The following MAP2K6 variants were observed in gnomAD, a reference collection of about 807,000 sequenced individuals.
MAP2K6 encodes the protein dual specificity mitogen-activated protein kinase kinase 6.
In MAP2K6, 16 loss-of-function variants were observed where a neutral mutation model predicts 53.7. The ratio of observed to expected loss-of-function variants is 0.30; its 90% CI spans 0.20 to 0.45. The LOEUF (loss-of-function observed/expected upper bound fraction) is 0.45, where lower values mean the gene tolerates loss of function less well. Ranked by LOEUF, MAP2K6 falls within the 20% of genes least tolerant of loss-of-function variation. The pLI, the probability that MAP2K6 is intolerant of heterozygous loss-of-function variation, is 1.00. For missense variants in MAP2K6, 204 were observed against 411.9 expected (o/e 0.50, Z 4.37); for synonymous variants, 132 against 143.1 (o/e 0.92, Z 0.55).
intron 1 of MAP2K6, among the ~76,000 whole-genome samples, chr17:69,503,719 T>TA (rs952361852): frequency 1.3e-5 from 2 of 151,988 alleles, no homozygotes; most frequent in African/African-American, 2.4e-5. Context: ...TAAATGACTT[T>TA]AAAAAAAATG....
intron 1 of MAP2K6, among the ~76,000 whole-genome samples, chr17:69,422,496 C>A (rs533047161): frequency 2.6e-5 from 4 of 152,286 alleles, no homozygotes; most frequent in Admixed American, 6.5e-5. Flanking sequence ...TGCAGCATCC[C>A]TGTCATCTGT....
intron 1 of MAP2K6, among the ~76,000 whole-genome samples, chr17:69,470,838 A>C (rs1364933077): frequency 6.6e-6 from 1 of 152,118 alleles, no homozygotes; most frequent in African/African-American, 2.4e-5. Context: ...GTGTTTGCTT[A>C]TGGCCTTTAC....
chr17:69,428,208 A>T (rs1906335328), intron 1 of MAP2K6, among the ~76,000 whole-genome samples: 1 of 152,220 alleles, frequency 6.6e-6, no homozygotes, highest in Non-Finnish European at 1.5e-5. Flanking sequence ...GGCTTAAACC[A>T]CGGAAATTAA....
intron 2 of MAP2K6, among the ~76,000 whole-genome samples, chr17:69,513,450 A>G (rs555613004): frequency 2.0e-5 from 3 of 152,328 alleles, no homozygotes; most frequent in African/African-American, 4.8e-5. Context: ...GGCTTCAGAA[A>G]ATCACCCAGC....
At chr17:69,439,384 A>T (rs1258981384) in intron 1 of MAP2K6, among the ~76,000 whole-genome samples, 1 of 152,192 alleles carries the variant, frequency 6.6e-6, no homozygotes, top group Non-Finnish European at 1.5e-5. Context: ...CCTTTCATCA[A>T]TTCTCGATTT....
At chr17:69,512,443 G>A (rs569039449) in intron 2 of MAP2K6, among the ~76,000 whole-genome samples, 28 of 146,816 alleles carry the variant, frequency 1.9e-4, no homozygotes, top group African/African-American at 6.4e-4. Context: ...GGGTCCAAGC[G>A]ATTCTCCTGC....
At chr17:69,438,489 T>G (rs1242197367) in intron 1 of MAP2K6, among the ~76,000 whole-genome samples, 1 of 152,250 alleles carries the variant, frequency 6.6e-6, no homozygotes, top group East Asian at 1.9e-4. Context: ...TATCTGACTC[T>G]CTTTAGCCTG....
chr17:69,457,915 T>G (rs1363768348), intron 1 of MAP2K6, among the ~76,000 whole-genome samples: 1 of 152,200 alleles, frequency 6.6e-6, no homozygotes, highest in East Asian at 1.9e-4. Flanking sequence ...CTGTGCACAT[T>G]AAAGTTCGGG....
intron 1 of MAP2K6, among the ~76,000 whole-genome samples, chr17:69,472,462 G>A (rs959197167): frequency 2.6e-5 from 4 of 152,064 alleles, no homozygotes; most frequent in East Asian, 1.9e-4. Flanking sequence ...CATTCTGCCC[G>A]TGTCTGCAAG....
At chr17:69,496,450 T>C (rs896256870) in intron 1 of MAP2K6, among the ~76,000 whole-genome samples, 2 of 151,426 alleles carry the variant, frequency 1.3e-5, no homozygotes, top group African/African-American at 4.9e-5. Flanking sequence ...TTTTGTACTT[T>C]TAGTAGAGAT....
intron 2 of MAP2K6, among the ~76,000 whole-genome samples, chr17:69,513,543 G>A (rs2145241700): frequency 6.6e-6 from 1 of 152,276 alleles, no homozygotes; most frequent in South Asian, 2.1e-4. Flanking sequence ...AGTTAGTATA[G>A]GGCCAAGGTC....
chr17:69,435,137 T>C (rs1332948457), intron 1 of MAP2K6: 1 of 152,236 alleles, frequency 6.6e-6, no homozygotes, highest in African/African-American at 2.4e-5. Context: ...TGAATTTATA[T>C]ATAAAACTGA....
At chr17:69,480,808 G>A (rs2145191404) in intron 1 of MAP2K6, among the ~76,000 whole-genome samples, 1 of 152,224 alleles carries the variant, frequency 6.6e-6, no homozygotes, top group African/African-American at 2.4e-5. Context: ...ATTTAAAATG[G>A]AAAAATTTAA....
At chr17:69,515,628 G>A (rs1567849490) in intron 2 of MAP2K6, among the ~76,000 whole-genome samples, 1 of 152,200 alleles carries the variant, frequency 6.6e-6, no homozygotes, top group Non-Finnish European at 1.5e-5. Context: ...AGTGACTATA[G>A]AAACAAAATC....
intron 1 of MAP2K6, among the ~76,000 whole-genome samples, chr17:69,442,057 C>T (rs996552523): frequency 2.6e-5 from 4 of 152,166 alleles, no homozygotes; most frequent in African/African-American, 9.7e-5. Context: ...ATCTGACACT[C>T]TCCCTGTGGG....
chr17:69,521,956 C>T (rs1224255244), intron 7 of MAP2K6: 1 of 152,036 alleles, frequency 6.6e-6, no homozygotes, highest in East Asian at 1.9e-4. Context: ...GCCTGCCCAA[C>T]ATGGTGAAAC....
intron 1 of MAP2K6, among the ~76,000 whole-genome samples, chr17:69,489,813 A>C (rs939104092): frequency 6.6e-6 from 1 of 152,330 alleles, no homozygotes; most frequent in East Asian, 1.9e-4. Context: ...GGCATCACGA[A>C]CCCTTAGCCA....
intron 1 of MAP2K6, among the ~76,000 whole-genome samples, chr17:69,501,918 G>GTTTTTTTTT (rs11406039): frequency 5.4e-5 from 7 of 129,062 alleles, no homozygotes; most frequent in Non-Finnish European, 1.2e-4. Flanking sequence ...TCCCTCCCAT[G>GTTTTTTTTT]TTTTTTTTTT....
intron 1 of MAP2K6, among the ~76,000 whole-genome samples, chr17:69,422,142 T>TC (rs1406292109): frequency 2.7e-5 from 4 of 146,220 alleles, no homozygotes; most frequent in African/African-American, 1.0e-4. Flanking sequence ...TTTTTTTTTT[T>TC]TTTTTTTGAG....
Sources: gnomAD v4.1 joint callset for allele counts (sites outside exome capture counted in the v4.1 genomes callset) on GRCh38, gnomAD v4.1.1 for gene constraint, MANE v1.5 for transcripts, NCBI Gene and HGNC (gene_info 2026-07-23, HGNC 2026-07-21) for gene names.